Variants in STRN observed in about 807,000 individuals in gnomAD.
STRN encodes striatin.
STRN carries 53 observed loss-of-function variants against 96.3 expected under a neutral mutation model. The observed-to-expected ratio is 0.55, with a 90% CI of 0.44 to 0.69. STRN has a LOEUF of 0.69. Ranked by LOEUF, STRN falls within the 30% of genes least tolerant of loss-of-function variation. STRN has a pLI of 0.00. For synonymous variants in STRN, 428 were observed against 355.9 expected (o/e 1.20, Z -2.28); for missense variants, 987 against 963.9 (o/e 1.02, Z -0.32).
chr2:36,873,099 A>T (rs1668807619), intron 10 of STRN, among the ~76,000 whole-genome samples: 1 of 152,226 alleles, frequency 6.6e-6, no homozygotes, highest in African/African-American at 2.4e-5. Context: ...TTATGATTTC[A>T]AAGGGTGGCA....
At chr2:36,945,462 T>C (rs1375608090) in intron 1 of STRN, among the ~76,000 whole-genome samples, 1 of 152,162 alleles carries the variant, frequency 6.6e-6, no homozygotes, top group East Asian at 1.9e-4. Flanking sequence ...GGTCAGGAGT[T>C]TGAGACCAGC....
chr2:36,852,094 C>G (rs1008572825), intron 15 of STRN, among the ~76,000 whole-genome samples: 10 of 152,330 alleles, frequency 6.6e-5, no homozygotes, highest in Admixed American at 2.0e-4. Context: ...AGTACCTATT[C>G]TAACTTCTGA....
intron 1 of STRN, among the ~76,000 whole-genome samples, chr2:36,958,270 G>T (rs1226605328): frequency 6.6e-6 from 1 of 151,970 alleles, no homozygotes. Context: ...GTAAACTAAG[G>T]ATACAAGGGA....
At chr2:36,929,434 AGT>A (rs1670511884) in intron 1 of STRN, among the ~76,000 whole-genome samples, 1 of 149,932 alleles carries the variant, frequency 6.7e-6, no homozygotes, top group Non-Finnish European at 1.5e-5. Context: ...CCCAGGCTGG[AGT>A]GCAGTGGTGC....
intron 12 of STRN, among the ~76,000 whole-genome samples, chr2:36,866,840 AGCAACT>A (rs1668641879): frequency 6.6e-6 from 1 of 152,136 alleles, no homozygotes; most frequent in Non-Finnish European, 1.5e-5. Context: ...AAATTAGAGT[AGCAACT>A]CCTGCTTTTT....
At chr2:36,883,100 A>T (rs910613384) in intron 9 of STRN, among the ~76,000 whole-genome samples, 5 of 152,348 alleles carry the variant, frequency 3.3e-5, no homozygotes, top group East Asian at 1.9e-4. Context: ...TAGAATTATT[A>T]TACATGATGT....
intron 7 of STRN, among the ~76,000 whole-genome samples, chr2:36,889,686 C>T (rs1375891007): frequency 3.3e-5 from 5 of 151,798 alleles, no homozygotes; most frequent in Non-Finnish European, 7.4e-5. Context: ...TAAATGTTCA[C>T]TCAATTAGAC....
intron 1 of STRN, among the ~76,000 whole-genome samples, chr2:36,925,677 G>T (rs924320174): frequency 6.6e-6 from 1 of 152,070 alleles, no homozygotes; most frequent in Non-Finnish European, 1.5e-5. Context: ...GGAGGCTTAG[G>T]CAGGAGAATT....
intron 1 of STRN, among the ~76,000 whole-genome samples, chr2:36,947,533 G>C (rs1428612528): frequency 6.7e-6 from 1 of 148,472 alleles, no homozygotes. Flanking sequence ...AATTTTTCTT[G>C]ATAACTCGGG....
intron 7 of STRN, among the ~76,000 whole-genome samples, chr2:36,891,620 C>A (rs1669400974): frequency 6.6e-6 from 1 of 152,144 alleles, no homozygotes; most frequent in Admixed American, 6.6e-5. Context: ...AAATTAGCAA[C>A]ATAACATAAT....
At chr2:36,955,484 A>G (rs1250936820) in intron 1 of STRN, among the ~76,000 whole-genome samples, 6 of 152,236 alleles carry the variant, frequency 3.9e-5, no homozygotes, top group Admixed American at 3.3e-4. Flanking sequence ...AAAAATACAG[A>G]TAAGACATCT....
chr2:36,926,326 T>G (rs902621895), intron 1 of STRN, among the ~76,000 whole-genome samples: 1 of 152,140 alleles, frequency 6.6e-6, no homozygotes, highest in African/African-American at 2.4e-5. Context: ...TCATAATACC[T>G]CTTAAAAGTC....
rs6707316 is a variant in STRN at position 36,959,437 on chromosome 2, G to A, written c.234+6793C>T. On this transcript the variant is annotated intron_variant, in intron 1 of 17. Coordinates refer to ENST00000263918, the MANE Select transcript of STRN (RefSeq NM_003162.4). Reference sequence around the variant, plus strand: ...AGCCTGGCCCCTAGACAAAAAATATGAAAAAATAAAACTGTAAAGATATCT... The same window carrying A: ...AGCCTGGCCCCTAGACAAAAAATATAAAAAAATAAAACTGTAAAGATATCT... Among the ~76,000 whole-genome samples, 745 of 152,206 alleles carry A rather than the reference G, an allele frequency of 4.9e-3. 7 individuals are homozygous for A. The highest frequency in any genetic ancestry group is 0.017 in the African/African-American group (718 of 41,552).
chr2:36,889,854 A>T (rs899256404), intron 7 of STRN, among the ~76,000 whole-genome samples: 2 of 152,216 alleles, frequency 1.3e-5, no homozygotes, highest in Admixed American at 6.5e-5. Flanking sequence ...TATCCAGCAC[A>T]CTACTAAAGA....
chr2:36,849,205 A>T lies in STRN; in HGVS notation c.*251T>A. The stretch of plus-strand genomic sequence containing the variant: ...CGAATTAGAACCACCTCAGAAATAA[A>T]GGCGCCTATTGGGGAGAAATTTGAA... On this transcript the variant is annotated 3_prime_UTR_variant, in exon 18 of 18. Coordinates refer to ENST00000263918, the MANE Select transcript of STRN (RefSeq NM_003162.4). 1 of 443,072 alleles carries T rather than the reference A, an allele frequency of 2.3e-6. No individual in the cohort carries two copies. The allele number at this position is 443,072 out of a possible 1,614,324, so 27.4% of individuals were successfully genotyped here. A position where few individuals can be genotyped will look rare whatever the true frequency, so the allele number is the denominator to read the frequency against.
intron 1 of STRN, among the ~76,000 whole-genome samples, chr2:36,941,964 C>G (rs896315334): frequency 6.6e-6 from 1 of 152,132 alleles, no homozygotes; most frequent in Non-Finnish European, 1.5e-5. Context: ...ATTCGAAATA[C>G]ATATTCCCAA....
intron 7 of STRN, among the ~76,000 whole-genome samples, chr2:36,888,668 T>TGC (rs1353344410): frequency 1.4e-5 from 2 of 140,592 alleles, no homozygotes; most frequent in East Asian, 2.0e-4. Context: ...TGTGTGTGTG[T>TGC]GTGCATTTAT....
At chr2:36,931,174 C>A (rs901785300) in intron 1 of STRN, among the ~76,000 whole-genome samples, 32 of 152,036 alleles carry the variant, frequency 2.1e-4, no homozygotes, top group African/African-American at 7.2e-4. Context: ...AGTTTGGAGT[C>A]TTATACAGGC....
chr2:36,948,244 G>A (rs1271057174), intron 1 of STRN, among the ~76,000 whole-genome samples: 1 of 151,636 alleles, frequency 6.6e-6, no homozygotes, highest in Admixed American at 6.6e-5. Context: ...TGGGATTACA[G>A]GCATGTGCCA....
Sources: allele counts gnomAD v4.1 joint callset (sites outside exome capture counted in the v4.1 genomes callset), GRCh38; gene constraint gnomAD v4.1.1; transcripts MANE v1.5; gene names NCBI Gene and HGNC (gene_info 2026-07-23, HGNC 2026-07-21).